Variants in ZNF608 observed in about 807,000 individuals in gnomAD.
The protein encoded by ZNF608 is zinc finger protein 608.
ZNF608 carries 12 observed loss-of-function variants against 109.0 expected under a neutral mutation model. That is an observed-to-expected ratio of 0.11 (90% CI 0.07 to 0.18). ZNF608 has a LOEUF of 0.18. Among genes scored for constraint, ZNF608 ranks in the 10% least tolerant of loss-of-function variants. The probability of loss-of-function intolerance (pLI) is 1.00; values close to 1 mark genes in which losing one functional copy is unlikely to be tolerated. For missense variants in ZNF608, 1,707 were observed against 1,879.3 expected (o/e 0.91, Z 1.70); for synonymous variants, 732 against 717.4 (o/e 1.02, Z -0.33).
At chr5:124,745,309 C>A in intron 1 of ZNF608, 137 bp from the exon 2 acceptor site, 1 of 641,854 alleles carries the variant, frequency 1.6e-6, no homozygotes, top group Non-Finnish European at 2.1e-6. Flanking sequence ...CCTCACAGTC[C>A]AATATCAGGT....
At chr5:124,709,198 A>AAAAAAAAAAAC (rs5871101) in intron 2 of ZNF608, among the ~76,000 whole-genome samples, 4 of 149,620 alleles carry the variant, frequency 2.7e-5, no homozygotes, top group Admixed American at 1.3e-4. Context: ...AAAAAAAAAA[A>AAAAAAAAAAAC]TCTGGGTTCT....
chr5:124,653,120 C>T (rs570651698), intron 3 of ZNF608, among the ~76,000 whole-genome samples: 137 of 152,256 alleles, frequency 9.0e-4, no homozygotes, highest in Non-Finnish European at 1.6e-3. Flanking sequence ...AGGCTTATTA[C>T]TAATAAAGTA....
At chr5:124,686,364 CTGGTCTA>C (rs984367069) in intron 3 of ZNF608, among the ~76,000 whole-genome samples, 1 of 152,156 alleles carries the variant, frequency 6.6e-6, no homozygotes, top group African/African-American at 2.4e-5. Context: ...GTCCTGGTTC[CTGGTCTA>C]TGGCCTCCTA....
intron 2 of ZNF608, 108 bp from the exon 3 acceptor site, chr5:124,701,377 G>A: frequency 7.2e-7 from 1 of 1,381,634 alleles, no homozygotes; most frequent in Middle Eastern, 2.6e-4. Context: ...AATTCCATTT[G>A]CAATTATAAT....
chr5:124,680,518 A>C (rs1285555765), intron 3 of ZNF608, among the ~76,000 whole-genome samples: 1 of 152,180 alleles, frequency 6.6e-6, no homozygotes, highest in Non-Finnish European at 1.5e-5. Flanking sequence ...GGAATATGGG[A>C]ATTGCAACTC....
At chr5:124,656,100 G>C (rs1750992994) in intron 3 of ZNF608, among the ~76,000 whole-genome samples, 1 of 152,066 alleles carries the variant, frequency 6.6e-6, no homozygotes, top group African/African-American at 2.4e-5. Flanking sequence ...AACACATCCT[G>C]TAATCAAACC....
At chr5:124,645,256 T>C (rs1240216612) in intron 5 of ZNF608, among the ~76,000 whole-genome samples, 1 of 152,182 alleles carries the variant, frequency 6.6e-6, no homozygotes, top group East Asian at 1.9e-4. Context: ...CAAAACAAAA[T>C]TTCAAATTAA....
intron 3 of ZNF608, among the ~76,000 whole-genome samples, chr5:124,693,917 C>G (rs1014982452): frequency 1.4e-5 from 2 of 138,012 alleles, no homozygotes; most frequent in African/African-American, 5.5e-5. Flanking sequence ...GAAGACCTGT[C>G]TTCCATTTTT....
At chr5:124,738,517 A>G (rs1749244300) in intron 2 of ZNF608, among the ~76,000 whole-genome samples, 1 of 146,414 alleles carries the variant, frequency 6.8e-6, no homozygotes, top group South Asian at 2.2e-4. Context: ...ATAGAATAAC[A>G]TGATCCTGCC....
At chr5:124,729,697 A>C (rs562760082) in intron 2 of ZNF608, among the ~76,000 whole-genome samples, 4 of 152,150 alleles carry the variant, frequency 2.6e-5, no homozygotes, top group Non-Finnish European at 5.9e-5. Context: ...ATATTTAGTG[A>C]TCTGTGGTTA....
intron 3 of ZNF608, among the ~76,000 whole-genome samples, chr5:124,667,934 A>T (rs896662829): frequency 1.3e-5 from 2 of 152,122 alleles, no homozygotes; most frequent in African/African-American, 2.4e-5. Flanking sequence ...CCTGGCCCTC[A>T]ACTCAAGGGC....
chr5:124,678,270 C>A (rs763622031), intron 3 of ZNF608, among the ~76,000 whole-genome samples: 2 of 152,156 alleles, frequency 1.3e-5, no homozygotes, highest in Non-Finnish European at 2.9e-5. Flanking sequence ...ACCAAGAAAT[C>A]TTAAAACTTC....
intron 3 of ZNF608, among the ~76,000 whole-genome samples, chr5:124,696,945 A>C (rs1291172637): frequency 6.6e-6 from 1 of 152,014 alleles, no homozygotes; most frequent in Non-Finnish European, 1.5e-5. Context: ...ACCAATACCA[A>C]ACCAGACCAA....
In ZNF608 at chr5:124,650,872, G is replaced by T. The variant is rs7701817; in HGVS notation, c.1163-1175C>A. The stretch of plus-strand genomic sequence containing the variant: ...TTGTGAATTTTACAGAAAACCTGTA[G>T]TGGGCTCCTTTACAGTAAGGGAAAC... On this transcript the variant is annotated intron_variant, in intron 3 of 9. Coordinates refer to ENST00000513986, the MANE Select transcript of ZNF608 (RefSeq NM_020747.3). Among the ~76,000 whole-genome samples the T allele has an allele frequency of 2.0e-5, 3 of 152,048 alleles. No individual in the cohort carries two copies. In the East Asian group the frequency reaches 5.8e-4, roughly 29 times the overall value.
intron 3 of ZNF608, among the ~76,000 whole-genome samples, chr5:124,670,106 T>G (rs139112546): frequency 2.6e-5 from 4 of 152,176 alleles, no homozygotes; most frequent in Admixed American, 2.6e-4. Flanking sequence ...TTTACTTGGT[T>G]TAAAGAAAGA....
chr5:124,744,599 T>C lies in ZNF608; in HGVS notation c.391A>G (p.Ser131Gly), dbSNP rs1431830670. ...SAALYGIPEI[S>G]STGKRQEVQG... ...ACTTCCTGCCTCTTGCCAGTGCTGC[T>C]GATCTCGGGAATCCCATACAAGGCA... The change falls in exon 2 of 10, where the codon AGC becomes GGC. Residue 131 changes from serine to glycine, a missense_variant. Coordinates refer to ENST00000513986, the MANE Select transcript of ZNF608 (RefSeq NM_020747.3). The surrounding 1 kb of genome is among the most constrained non-coding windows in gnomAD (Gnocchi z 4.5). 6.2e-7 allele frequency: 1 copy of C among 1,614,224 alleles called. No homozygotes were observed. The highest frequency in any genetic ancestry group is 8.5e-7 in the Non-Finnish European group (1 of 1,180,032).
chr5:124,716,849 G>A (rs1426944516), intron 2 of ZNF608, among the ~76,000 whole-genome samples: 1 of 151,862 alleles, frequency 6.6e-6, no homozygotes, highest in Non-Finnish European at 1.5e-5. Flanking sequence ...TTGGGAGGCC[G>A]AGGCAGGCGA....
rs376499680 is a variant in ZNF608, at chr5:124,648,368, G to A, written c.2016C>T (p.Asn672=). The A allele has an allele frequency of 3.8e-5, 62 of 1,614,088 alleles. No individual in the cohort carries two copies. The highest frequency in any genetic ancestry group is 5.0e-5 in the Non-Finnish European group (59 of 1,180,046). Residue 672 remains asparagine, a synonymous_variant, in exon 5 of 10, where the codon AAC becomes AAT. Transcript: ENST00000513986. ...CCGTCATGTTGGAGATTACTGGAAGGTTGTTCAGTTCATTGTTAAGGCCCT... is the reference window on the plus strand; with the variant it reads ...CCGTCATGTTGGAGATTACTGGAAGATTGTTCAGTTCATTGTTAAGGCCCT... ...KKKGLNNELN[N]LPVISNMTAA... is the part of the protein sequence containing the mutation.
At position 124,644,167 on chromosome 5, in the gene ZNF608, T is replaced by C. The variant is rs536601964; in HGVS notation, c.4123+77A>G. ...CAAATGTCACTCTTGAAGCTTCTAATTTATCTTGAGTTTTTAACAGCTAAT... is the reference window on the plus strand; with the variant it reads ...CAAATGTCACTCTTGAAGCTTCTAACTTATCTTGAGTTTTTAACAGCTAAT... On this transcript the variant is annotated intron_variant, in intron 6 of 9. Transcript: ENST00000513986. The C allele has an allele frequency of 2.8e-5, 37 of 1,331,498 alleles. No homozygotes were observed. The South Asian group carries it at 5.5e-4, about 20-fold the overall frequency. The allele number at this position is 1,331,498 out of a possible 1,614,324, so 82.5% of individuals were successfully genotyped here.
Sources: allele counts gnomAD v4.1 joint callset (sites outside exome capture counted in the v4.1 genomes callset), GRCh38; gene constraint gnomAD v4.1.1; non-coding constraint Gnocchi (gnomAD v3.1); transcripts MANE v1.5; gene names NCBI Gene and HGNC (gene_info 2026-07-23, HGNC 2026-07-21).